CCDC158: variants seen among roughly 807,000 people sequenced by gnomAD.
CCDC158 encodes the protein coiled-coil domain-containing protein 158.
In CCDC158, 116 loss-of-function variants were observed where a neutral mutation model predicts 138.6. The ratio of observed to expected loss-of-function variants is 0.84; its 90% CI spans 0.72 to 0.98. The LOEUF (loss-of-function observed/expected upper bound fraction) is 0.98, where lower values mean the gene tolerates loss of function less well. Ranked by LOEUF, CCDC158 falls within the 50% of genes least tolerant of loss-of-function variation. CCDC158 has a pLI of 0.00. For missense variants in CCDC158, 1,265 were observed against 1,306.1 expected, an observed-to-expected ratio of 0.97 and a Z score of 0.48; for synonymous variants, 436 against 442.4, an observed-to-expected ratio of 0.99 and a Z score of 0.18.
At chr4:76,376,112 G>A (rs1368448058) in intron 9 of CCDC158, among the ~76,000 whole-genome samples, 1 of 151,622 alleles carries the variant, frequency 6.6e-6, no homozygotes, top group Non-Finnish European at 1.5e-5. Context: ...TAAAGTGAGT[G>A]GTGTGATCAT....
chr4:76,360,293 C>A (rs1219795765), intron 13 of CCDC158, among the ~76,000 whole-genome samples: 1 of 152,218 alleles, frequency 6.6e-6, no homozygotes, highest in Admixed American at 6.5e-5. Flanking sequence ...CATGGAGAAC[C>A]TCTACTAGGG....
intron 24 of CCDC158, among the ~76,000 whole-genome samples, chr4:76,314,037 T>A (rs1719142639): frequency 6.6e-6 from 1 of 152,208 alleles, no homozygotes; most frequent in Non-Finnish European, 1.5e-5. Context: ...GTATAAACAC[T>A]TCTGTGCATT....
In CCDC158 at chr4:76,378,657, T is replaced by G. The variant is rs1447170207; in HGVS notation, c.1029+633A>C. Among the ~76,000 whole-genome samples, 3 of 151,402 alleles carry G rather than the reference T, an allele frequency of 2.0e-5. No homozygotes were observed. In the East Asian group the frequency reaches 5.8e-4, roughly 29 times the overall value. On this transcript the variant is annotated intron_variant, in intron 9 of 24. Coordinates refer to ENST00000682701, the MANE Select transcript of CCDC158 (RefSeq NM_001394954.1). ...TTAATGGCAGCTCCTTGTTTGTTTTTTAGGGTCTTACTGTTTTACAAATGG... is the reference window on the plus strand; with the variant it reads ...TTAATGGCAGCTCCTTGTTTGTTTTGTAGGGTCTTACTGTTTTACAAATGG...
chr4:76,334,831 C>T (rs2110111496), intron 18 of CCDC158, among the ~76,000 whole-genome samples: 1 of 152,278 alleles, frequency 6.6e-6, no homozygotes, highest in East Asian at 1.9e-4. Flanking sequence ...CTGAAGGAGT[C>T]CATCCCACTG....
intron 3 of CCDC158, among the ~76,000 whole-genome samples, chr4:76,400,922 T>C (rs1486046685): frequency 6.6e-6 from 1 of 151,902 alleles, no homozygotes; most frequent in Admixed American, 6.6e-5. Context: ...CAAAAGAAAG[T>C]GAAGATAGAA....
chr4:76,401,518 C>CT (rs58190919), intron 3 of CCDC158: 4,634 of 215,126 alleles, frequency 0.022, 224 homozygotes, highest in African/African-American at 0.1. Flanking sequence ...AGAAGCAAGC[C>CT]CTTGAACTGG....
chr4:76,395,350 T>C (rs995525329), intron 4 of CCDC158, among the ~76,000 whole-genome samples: 2 of 152,098 alleles, frequency 1.3e-5, no homozygotes, highest in East Asian at 3.9e-4. Flanking sequence ...AATTGTAGAT[T>C]TTTTTTTCCT....
At chr4:76,410,525 T>C (rs1241175805) in intron 2 of CCDC158, among the ~76,000 whole-genome samples, 1 of 152,164 alleles carries the variant, frequency 6.6e-6, no homozygotes, top group East Asian at 1.9e-4. Flanking sequence ...TTATGATGTA[T>C]GTTCTATTTA....
chr4:76,382,331 G>A (rs1160966824), intron 8 of CCDC158, among the ~76,000 whole-genome samples: 1 of 152,122 alleles, frequency 6.6e-6, no homozygotes, highest in Non-Finnish European at 1.5e-5. Flanking sequence ...AAATTACCCA[G>A]TCTTGGTTAG....
intron 18 of CCDC158, chr4:76,344,977 A>G: frequency 6.8e-7 from 1 of 1,472,312 alleles, no homozygotes; most frequent in Admixed American, 1.7e-5. Context: ...TTTTTACTGG[A>G]GTTAGGGAGG....
intron 18 of CCDC158, among the ~76,000 whole-genome samples, chr4:76,338,639 C>A (rs1721766523): frequency 6.6e-6 from 1 of 152,214 alleles, no homozygotes; most frequent in Non-Finnish European, 1.5e-5. Context: ...TAAGCTGCAT[C>A]TGGTGGCTGG....
intron 22 of CCDC158, 92 bp from the exon 23 acceptor site, chr4:76,326,107 G>T: frequency 9.8e-7 from 1 of 1,016,536 alleles, no homozygotes; most frequent in Non-Finnish European, 1.5e-6. Flanking sequence ...ATGAGAAAAT[G>T]TTCCCAATGG....
At chr4:76,334,761 C>T (rs953693713) in intron 18 of CCDC158, among the ~76,000 whole-genome samples, 1 of 152,074 alleles carries the variant, frequency 6.6e-6, no homozygotes, top group Non-Finnish European at 1.5e-5. Context: ...AGAGGGGAAA[C>T]CAAATGATCA....
At chr4:76,383,565 G>C in intron 7 of CCDC158, 97 bp downstream of exon 7, 3 of 829,578 alleles carry the variant, frequency 3.6e-6, no homozygotes, top group Non-Finnish European at 6.1e-6. Flanking sequence ...AAACTTATGT[G>C]TTTCAGAGCT....
chr4:76,393,549 C>T (rs28770563), intron 4 of CCDC158, among the ~76,000 whole-genome samples: 1 of 151,820 alleles, frequency 6.6e-6, no homozygotes, highest in East Asian at 1.9e-4. Flanking sequence ...ACATTGGGGT[C>T]AACTTCTCAG....
chr4:76,314,793 C>T (rs1297107851), intron 24 of CCDC158, among the ~76,000 whole-genome samples: 1 of 152,172 alleles, frequency 6.6e-6, no homozygotes, highest in Non-Finnish European at 1.5e-5. Flanking sequence ...GGAAAGGTGG[C>T]TGGCAGAATT....
At chr4:76,383,342 T>G (rs75955125) in intron 7 of CCDC158, among the ~76,000 whole-genome samples, 1 of 152,104 alleles carries the variant, frequency 6.6e-6, no homozygotes, top group African/African-American at 2.4e-5. Flanking sequence ...ATGCCTTTTC[T>G]CAGTAATTTT....
In CCDC158 at chr4:76,370,160, A is replaced by G. The variant is rs74598616; in HGVS notation, c.1150-537T>C. On this transcript the variant is annotated intron_variant, in intron 10 of 24. Transcript: ENST00000682701. ...AACTCTAGTCAGACTAGTAAAAACA[A>G]AGATATATCTACACTCAAATGACTT... is the stretch of plus-strand genomic sequence containing the variant. Among the ~76,000 whole-genome samples, 746 of 152,276 alleles carry G rather than the reference A, an allele frequency of 4.9e-3. 6 individuals carry two copies. Among genetic ancestry groups the G allele is most frequent in the African/African-American group, 0.017 (700 of 41,544 alleles).
intron 18 of CCDC158, among the ~76,000 whole-genome samples, chr4:76,343,676 C>A (rs554811461): frequency 9.2e-5 from 14 of 152,206 alleles, no homozygotes; most frequent in African/African-American, 3.4e-4. Flanking sequence ...TGGCGGGTGC[C>A]TGTAATCCCA....
Sources: gnomAD v4.1 joint callset for allele counts (sites outside exome capture counted in the v4.1 genomes callset) on GRCh38, gnomAD v4.1.1 for gene constraint, MANE v1.5 for transcripts, NCBI Gene and HGNC (gene_info 2026-07-23, HGNC 2026-07-21) for gene names.